VPS13D: variants seen among roughly 807,000 people sequenced by gnomAD.
The protein encoded by VPS13D is vacuolar protein sorting 13 homolog D.
Under a neutral mutation model 461.9 loss-of-function variants are expected in VPS13D, and 187 were observed. That is an observed-to-expected ratio of 0.40 (90% CI 0.36 to 0.46). The LOEUF is 0.46. Ranked by LOEUF, VPS13D falls within the 20% of genes least tolerant of loss-of-function variation. The pLI is 0.60. For missense variants in VPS13D, 4,711 were observed against 5,364.9 expected, an observed-to-expected ratio of 0.88 and a Z score of 3.81; for synonymous variants, 1,951 against 1,986.3, an observed-to-expected ratio of 0.98 and a Z score of 0.47.
At chr1:12,269,665 G>A (rs1641376488) in intron 16 of VPS13D, among the ~76,000 whole-genome samples, 1 of 152,198 alleles carries the variant, frequency 6.6e-6, no homozygotes, top group Non-Finnish European at 1.5e-5. Context: ...TCTCCAAGAA[G>A]ATTTGAAACA....
intron 65 of VPS13D, among the ~76,000 whole-genome samples, chr1:12,426,784 A>C (rs554601407): frequency 3.7e-4 from 56 of 152,254 alleles, no homozygotes; most frequent in African/African-American, 1.3e-3. Flanking sequence ...TGGGAGGCTG[A>C]GGCGGGTGGA....
At chr1:12,286,495 A>G (rs1257407286) in intron 21 of VPS13D, among the ~76,000 whole-genome samples, 1 of 152,156 alleles carries the variant, frequency 6.6e-6, no homozygotes, top group Non-Finnish European at 1.5e-5. Flanking sequence ...CCCACCGCCT[A>G]TTGACTTGTT....
intron 65 of VPS13D, among the ~76,000 whole-genome samples, chr1:12,439,828 G>A (rs1645107577): frequency 6.6e-6 from 1 of 152,196 alleles, no homozygotes; most frequent in Admixed American, 6.5e-5. Flanking sequence ...GCTCTGAGAA[G>A]TTTCCCAAGA....
At chr1:12,437,511 T>G (rs1645077013) in intron 65 of VPS13D, among the ~76,000 whole-genome samples, 1 of 152,148 alleles carries the variant, frequency 6.6e-6, no homozygotes, top group South Asian at 2.1e-4. Flanking sequence ...CACCATTTTC[T>G]TTACACAAAG....
chr1:12,268,695 C>T lies in VPS13D; in HGVS notation c.1802-11C>T. The T allele has an allele frequency of 6.2e-7, 1 of 1,611,494 alleles. No homozygotes were observed. Among genetic ancestry groups the T allele is most frequent in the Non-Finnish European group, 8.5e-7 (1 of 1,179,186 alleles). ...CTTGTTCCGTGTTCTTATTCCTGTT[C>T]TTTCCTTTAGCTGCAGATCCAGATG... On this transcript the variant is annotated splice_polypyrimidine_tract_variant and intron_variant, in intron 15 of 69. Transcript: ENST00000620676.
chr1:12,360,521 G>A (rs1410368600), intron 50 of VPS13D, among the ~76,000 whole-genome samples: 1 of 152,106 alleles, frequency 6.6e-6, no homozygotes, highest in Non-Finnish European at 1.5e-5. Context: ...TTGAGTGTCT[G>A]TATTGTTCAG....
Position 12,331,711 on chromosome 1 carries a change from TAAAAAAAAAAA to T in VPS13D, c.8288-1501_8288-1491del, listed in dbSNP as rs757913489. Among the ~76,000 whole-genome samples the T allele has an allele frequency of 3.2e-4, 34 of 106,224 alleles. 1 individual carries two copies. Among genetic ancestry groups the T allele is most frequent in the African/African-American group, 1.2e-3 (34 of 27,966 alleles). The allele number at this position is 106,224 out of a possible 152,430, so 69.7% of individuals were successfully genotyped here. ...TAGGCGACAGAGCGAGACTCTGTCTTAAAAAAAAAAAAAAAAAAAAAAAAGAATAATGGCCC... is the reference window on the plus strand; with the variant it reads ...TAGGCGACAGAGCGAGACTCTGTCTTAAAAAAAAAAAAAGAATAATGGCCC... On this transcript the variant is annotated intron_variant, in intron 37 of 69. Coordinates refer to ENST00000620676, the MANE Select transcript of VPS13D (RefSeq NM_015378.4).
chr1:12,297,111 G>A (rs1642300654), intron 24 of VPS13D, among the ~76,000 whole-genome samples: 2 of 152,084 alleles, frequency 1.3e-5, no homozygotes, highest in Admixed American at 1.3e-4. Flanking sequence ...TTTATTTGTC[G>A]ATAAGATTAA....
Position 12,272,967 on chromosome 1 carries a change from C to A in VPS13D, c.2104-36C>A, listed in dbSNP as rs368357774. ...CACCATGGATAAAGCTGTTGGGTTT[C>A]GGCAGTTATGGTTAATGACTGTTTT... is the stretch of plus-strand genomic sequence containing the variant. On this transcript the variant is annotated intron_variant, in intron 17 of 69. Transcript: ENST00000620676. 15 of 1,603,386 alleles carry A rather than the reference C, an allele frequency of 9.4e-6. No homozygotes were observed. The African/African-American group carries it at 2.0e-4, about 22-fold the overall frequency.
chr1:12,417,514 T>C (rs1232146918), intron 65 of VPS13D, among the ~76,000 whole-genome samples: 1 of 152,212 alleles, frequency 6.6e-6, no homozygotes, highest in African/African-American at 2.4e-5. Context: ...ACTTTTCTTG[T>C]AGAGACTGGC....
intron 57 of VPS13D, among the ~76,000 whole-genome samples, chr1:12,381,862 C>T (rs1029990997): frequency 2.0e-5 from 3 of 152,186 alleles, no homozygotes; most frequent in Non-Finnish European, 4.4e-5. Context: ...AATTAAACCC[C>T]TTTAAATTTA....
intron 26 of VPS13D, among the ~76,000 whole-genome samples, chr1:12,306,430 A>G (rs1642567036): frequency 6.6e-6 from 1 of 152,166 alleles, no homozygotes; most frequent in African/African-American, 2.4e-5. Context: ...CCTGAGGGCC[A>G]CTCGGCATAT....
intron 65 of VPS13D, among the ~76,000 whole-genome samples, chr1:12,447,371 A>G (rs1305206938): frequency 6.6e-6 from 1 of 152,174 alleles, no homozygotes; most frequent in Non-Finnish European, 1.5e-5. Context: ...GAGCATAATA[A>G]TACTACCTCA....
chr1:12,449,617 A>G (rs901736495), intron 65 of VPS13D, among the ~76,000 whole-genome samples: 10 of 152,196 alleles, frequency 6.6e-5, no homozygotes, highest in Non-Finnish European at 1.2e-4. Flanking sequence ...GGATATTTTG[A>G]CAGTATGAAA....
chr1:12,415,046 C>T (rs1019502513), intron 63 of VPS13D, 41 bp from the exon 64 acceptor site: 1 of 1,606,840 alleles, frequency 6.2e-7, no homozygotes, highest in Non-Finnish European at 8.5e-7. Context: ...AGAAGGCCAT[C>T]ATATGACTTA....
rs1294450026 is a variant in VPS13D, at chr1:12,266,945, T to C, written c.1659T>C (p.Gly553=). 1.2e-6 allele frequency: 2 copies of C among 1,611,072 alleles called. No homozygotes were observed. The highest frequency in any genetic ancestry group is 2.2e-5 in the South Asian group (2 of 90,296). The part of the protein sequence containing the change: ...RNSSLLSVRL[G]GLFLRDLATE... ...CCTCGTTGCTTTCAGTCCGGTTGGG[T>C]GGACTGTTTCTTCGAGACCTGGCTA... The change falls in exon 14 of 70, where the codon GGT becomes GGC. Residue 553 remains glycine, a synonymous_variant. Transcript: ENST00000620676.
At position 12,314,303 on chromosome 1, in the gene VPS13D, C is replaced by G. The variant is rs373627016; in HGVS notation, c.7124C>G (p.Ser2375Cys). ...AAGAACAGCAGCACCACCCAAGGGT[C>G]CATTCAGATTGAACTACATTTCAGG... is the stretch of plus-strand genomic sequence containing the variant. The part of the protein sequence containing the change: ...PAKNSSTTQG[S>C]IQIELHFRST... Residue 2375 changes from serine (S) to cysteine (C), a missense_variant, in exon 30 of 70, where the codon TCC (serine) becomes TGC (cysteine). Coordinates refer to ENST00000620676, the MANE Select transcript of VPS13D (RefSeq NM_015378.4). 2.5e-6 allele frequency: 4 copies of G among 1,613,804 alleles called. No homozygotes were observed. In the African/African-American group the frequency reaches 5.3e-5, roughly 22 times the overall value.
At chr1:12,385,156 AT>A (rs1474158235) in intron 58 of VPS13D, 103 bp from the exon 59 acceptor site, 2 of 854,812 alleles carry the variant, frequency 2.3e-6, no homozygotes, top group Non-Finnish European at 3.7e-6. Context: ...CCATAGGATT[AT>A]TGATTATATA....
intron 53 of VPS13D, 99 bp downstream of exon 53, chr1:12,368,690 G>C (rs1394190763): frequency 1.5e-6 from 2 of 1,370,512 alleles, no homozygotes; most frequent in East Asian, 5.0e-5. Flanking sequence ...TTTCAACTTG[G>C]GTTTAAAGGA....
Sources: allele counts gnomAD v4.1 joint callset (sites outside exome capture counted in the v4.1 genomes callset), GRCh38; gene constraint gnomAD v4.1.1; transcripts MANE v1.5; gene names NCBI Gene and HGNC (gene_info 2026-07-23, HGNC 2026-07-21).